RASAL2: variants seen among roughly 807,000 people sequenced by gnomAD.
RASAL2 encodes ras GTPase-activating protein nGAP.
Under a neutral mutation model 128.9 loss-of-function variants are expected in RASAL2, and 58 were observed. That is an observed-to-expected ratio of 0.45 (90% CI 0.36 to 0.56). The LOEUF (loss-of-function observed/expected upper bound fraction) is 0.56, where lower values mean the gene tolerates loss of function less well. Among genes scored for constraint, RASAL2 ranks in the 20% least tolerant of loss-of-function variants. The pLI is 0.00. For missense variants in RASAL2, 1,360 were observed against 1,601.6 expected, an observed-to-expected ratio of 0.85 and a Z score of 2.57; for synonymous variants, 561 against 580.8, an observed-to-expected ratio of 0.97 and a Z score of 0.49.
At chr1:178,367,124 G>A (rs545411519) in intron 3 of RASAL2, among the ~76,000 whole-genome samples, 2 of 152,120 alleles carry the variant, frequency 1.3e-5, no homozygotes, top group East Asian at 1.9e-4. Flanking sequence ...CTCTTGCCTC[G>A]GAGTCTTCCT....
intron 2 of RASAL2, among the ~76,000 whole-genome samples, chr1:178,286,349 G>A (rs955699030): frequency 6.6e-6 from 1 of 152,156 alleles, no homozygotes; most frequent in African/African-American, 2.4e-5. Context: ...CCTCTTTCAT[G>A]GCTGCTGTCT....
chr1:178,259,241 C>T (rs1665539726), intron 1 of RASAL2, among the ~76,000 whole-genome samples: 1 of 147,978 alleles, frequency 6.8e-6, no homozygotes, highest in African/African-American at 2.5e-5. Flanking sequence ...CGCCATTCTC[C>T]TGCCTCAGCC....
intron 4 of RASAL2, chr1:178,411,976 C>T: frequency 1.8e-6 from 1 of 570,560 alleles, no homozygotes. Context: ...CTCTTGACGG[C>T]ACCCACAGGA....
chr1:178,265,241 TTTG>T (rs967151040), intron 1 of RASAL2, among the ~76,000 whole-genome samples: 2 of 152,082 alleles, frequency 1.3e-5, no homozygotes, highest in African/African-American at 2.4e-5. Context: ...GTTCCCTCCT[TTTG>T]TTGTTGTTGT....
intron 4 of RASAL2, among the ~76,000 whole-genome samples, chr1:178,412,778 A>T (rs769022017): frequency 1.3e-5 from 2 of 152,154 alleles, no homozygotes; most frequent in African/African-American, 4.8e-5. Flanking sequence ...AGTGTGGCCA[A>T]GTTTGAGAGA....
chr1:178,348,444 C>T (rs993198957), intron 3 of RASAL2, among the ~76,000 whole-genome samples: 2 of 151,954 alleles, frequency 1.3e-5, no homozygotes, highest in African/African-American at 4.8e-5. Context: ...TAGGTGCACA[C>T]GACTACACCT....
At chr1:178,457,066 C>G (rs1427298197) in intron 13 of RASAL2, among the ~76,000 whole-genome samples, 167 bp downstream of exon 13, 2 of 152,176 alleles carry the variant, frequency 1.3e-5, no homozygotes, top group African/African-American at 4.8e-5. Flanking sequence ...TGCACAAGAT[C>G]TGGGATGACT....
intron 14 of RASAL2, among the ~76,000 whole-genome samples, chr1:178,460,352 A>G (rs902454140): frequency 6.6e-6 from 1 of 152,122 alleles, no homozygotes; most frequent in East Asian, 1.9e-4. Context: ...TGGAGGGCCT[A>G]TGACTCAGGC....
At chr1:178,315,382 T>C in intron 3 of RASAL2, among the ~76,000 whole-genome samples, 1 of 139,618 alleles carries the variant, frequency 7.2e-6, no homozygotes, top group Non-Finnish European at 1.5e-5. Flanking sequence ...TCCACAATGG[T>C]TGAACTAGTT....
intron 1 of RASAL2, among the ~76,000 whole-genome samples, chr1:178,145,722 C>G (rs917626602): frequency 6.6e-6 from 1 of 152,212 alleles, no homozygotes; most frequent in Non-Finnish European, 1.5e-5. Context: ...CTATCATCAT[C>G]TGGCATGGCC....
intron 9 of RASAL2, among the ~76,000 whole-genome samples, chr1:178,448,852 C>T (rs1292475739): frequency 1.3e-5 from 2 of 152,072 alleles, no homozygotes; most frequent in Admixed American, 1.3e-4. Flanking sequence ...GATTAAATGG[C>T]CGATGGGCTC....
At chr1:178,449,675 T>C (rs1222881105) in intron 9 of RASAL2, among the ~76,000 whole-genome samples, 1 of 152,116 alleles carries the variant, frequency 6.6e-6, no homozygotes. Context: ...TATGGTACAT[T>C]CTGCATGCTC....
intron 1 of RASAL2, among the ~76,000 whole-genome samples, chr1:178,104,098 C>G (rs1191984441): frequency 6.6e-6 from 1 of 151,952 alleles, no homozygotes; most frequent in Non-Finnish European, 1.5e-5. Context: ...CTTGGTTTAT[C>G]TAGTACTTCG....
At chr1:178,230,063 T>TA (rs1196845163) in intron 1 of RASAL2, among the ~76,000 whole-genome samples, 1 of 152,182 alleles carries the variant, frequency 6.6e-6, no homozygotes, top group Non-Finnish European at 1.5e-5. Context: ...ATACAGTGTA[T>TA]ACTCTAGTGT....
At chr1:178,208,539 G>T (rs543470813) in intron 1 of RASAL2, among the ~76,000 whole-genome samples, 2 of 152,108 alleles carry the variant, frequency 1.3e-5, no homozygotes, top group Non-Finnish European at 2.9e-5. Flanking sequence ...CCTGTTCTCC[G>T]TTGTTTAAGA....
Position 178,283,703 on chromosome 1 carries a change from A to G in RASAL2, c.330+12A>G. 1 of 1,611,086 alleles carries G rather than the reference A, an allele frequency of 6.2e-7. No homozygotes were observed. The highest frequency in any genetic ancestry group is 8.5e-7 in the Non-Finnish European group (1 of 1,178,888). ...ACAAGGAGAAGGAGGTGAGATGGATATTATTCAGGAAAGTTAGTTTCCTTT... is the reference window on the plus strand; with the variant it reads ...ACAAGGAGAAGGAGGTGAGATGGATGTTATTCAGGAAAGTTAGTTTCCTTT... On this transcript the variant is annotated intron_variant, in intron 2 of 17. Coordinates refer to ENST00000367649, the MANE Select transcript of RASAL2 (RefSeq NM_170692.4).
chr1:178,390,496 A>C (rs1241716243), intron 4 of RASAL2, among the ~76,000 whole-genome samples: 2 of 152,078 alleles, frequency 1.3e-5, no homozygotes, highest in Non-Finnish European at 2.9e-5. Flanking sequence ...CTCCTGCCTC[A>C]GCCTCCGGAG....
chr1:178,361,784 T>C (rs1671121118), intron 3 of RASAL2, among the ~76,000 whole-genome samples: 1 of 152,066 alleles, frequency 6.6e-6, no homozygotes, highest in Non-Finnish European at 1.5e-5. Flanking sequence ...TACATTGTAA[T>C]ATATAATGAA....
intron 1 of RASAL2, among the ~76,000 whole-genome samples, chr1:178,282,315 A>G (rs534327935): frequency 2.0e-5 from 3 of 152,302 alleles, no homozygotes; most frequent in Admixed American, 6.5e-5. Context: ...AGAAGAAACA[A>G]TGAAGACAAT....
Sources: allele counts gnomAD v4.1 joint callset (sites outside exome capture counted in the v4.1 genomes callset), GRCh38; gene constraint gnomAD v4.1.1; transcripts MANE v1.5; gene names NCBI Gene and HGNC (gene_info 2026-07-23, HGNC 2026-07-21).